ERBB4: variants seen among roughly 807,000 people sequenced by gnomAD.
The protein encoded by ERBB4 is erb-b2 receptor tyrosine kinase 4.
In ERBB4, 42 loss-of-function variants were observed where a neutral mutation model predicts 158.0. That is an observed-to-expected ratio of 0.27 (90% CI 0.21 to 0.34). The LOEUF (loss-of-function observed/expected upper bound fraction) is 0.34, where lower values mean the gene tolerates loss of function less well. Among genes scored for constraint, ERBB4 ranks in the 10% least tolerant of loss-of-function variants. ERBB4 has a pLI of 1.00. For missense variants in ERBB4, 1,333 were observed against 1,624.1 expected (o/e 0.82, Z 3.08); for synonymous variants, 583 against 558.7 (o/e 1.04, Z -0.61).
chr2:211,516,163 G>T (rs534801750), intron 20 of ERBB4, among the ~76,000 whole-genome samples: 1 of 150,986 alleles, frequency 6.6e-6, no homozygotes, highest in East Asian at 2.0e-4. Flanking sequence ...TGATCCGCCC[G>T]CCTCGGCCTC....
chr2:211,482,149 A>G (rs539820376), intron 20 of ERBB4, among the ~76,000 whole-genome samples: 43 of 152,340 alleles, frequency 2.8e-4, no homozygotes, highest in African/African-American at 1.0e-3. Flanking sequence ...GATAATCCAG[A>G]GAACTGCAGA....
rs532803812 is a variant in ERBB4, at chr2:211,434,717, T to A, written c.2488-3617A>T. 1.1e-4 allele frequency among the ~76,000 whole-genome samples: 16 copies of A among 152,304 alleles called. No homozygotes were observed. The South Asian group carries it at 2.7e-3, about 26-fold the overall frequency. On this transcript the variant is annotated intron_variant, in intron 20 of 27. Transcript: ENST00000342788. The stretch of plus-strand genomic sequence containing the variant: ...TACTATTTTTCCAGAAAAGGTACTT[T>A]CTTCAAAATAATGAGAAATCAATTT...
At chr2:212,483,763 G>A (rs553523787) in intron 1 of ERBB4, among the ~76,000 whole-genome samples, 3 of 152,090 alleles carry the variant, frequency 2.0e-5, no homozygotes, top group African/African-American at 7.2e-5. Context: ...TTGAGACTGA[G>A]TCTTGCTCTA....
chr2:211,748,542 A>G (rs1289383543), intron 5 of ERBB4, among the ~76,000 whole-genome samples: 1 of 152,162 alleles, frequency 6.6e-6, no homozygotes, highest in African/African-American at 2.4e-5. Context: ...GTGTTTCCCA[A>G]ATCTAAGCTC....
At chr2:212,438,804 C>T (rs2092191414) in intron 1 of ERBB4, among the ~76,000 whole-genome samples, 1 of 151,704 alleles carries the variant, frequency 6.6e-6, no homozygotes, top group African/African-American at 2.4e-5. Context: ...TGTCATTAAA[C>T]CAGAAGAATG....
At chr2:212,473,268 T>C (rs111580022) in intron 1 of ERBB4, among the ~76,000 whole-genome samples, 2,318 of 152,142 alleles carry the variant, frequency 0.015, 19 homozygotes, top group Middle Eastern at 0.037. Context: ...ACTGAATATA[T>C]TGATAATCAC....
intron 1 of ERBB4, among the ~76,000 whole-genome samples, chr2:212,378,221 C>A (rs1377641616): frequency 2.6e-5 from 4 of 151,826 alleles, no homozygotes; most frequent in African/African-American, 7.3e-5. Flanking sequence ...TGTCATTATG[C>A]ACCTCTCTCT....
intron 1 of ERBB4, among the ~76,000 whole-genome samples, chr2:212,490,235 A>G (rs988232832): frequency 4.0e-5 from 6 of 151,862 alleles, no homozygotes; most frequent in African/African-American, 1.2e-4. Context: ...AGTTTGTCAT[A>G]ACTGAAGTCT....
intron 1 of ERBB4, among the ~76,000 whole-genome samples, chr2:212,457,939 T>A (rs1454920352): frequency 6.6e-6 from 1 of 151,974 alleles, no homozygotes; most frequent in African/African-American, 2.4e-5. Context: ...AAATATTTAT[T>A]ATTTATTATT....
chr2:212,290,087 C>T (rs775962552), intron 1 of ERBB4, among the ~76,000 whole-genome samples: 2 of 152,094 alleles, frequency 1.3e-5, no homozygotes, highest in Non-Finnish European at 2.9e-5. Context: ...ATATAACACA[C>T]ACTTATTTCC....
intron 9 of ERBB4, among the ~76,000 whole-genome samples, chr2:211,707,043 T>G (rs903665767): frequency 7.2e-5 from 11 of 152,178 alleles, no homozygotes; most frequent in Non-Finnish European, 1.6e-4. Context: ...TGTTCTTTGA[T>G]GAAAAGCAGA....
rs187930319 is a variant in ERBB4 at position 212,173,879 on chromosome 2, C to A, written c.83-48976G>T. Among the ~76,000 whole-genome samples the A allele has an allele frequency of 6.8e-4, 104 of 152,198 alleles. 1 individual carries two copies. The highest frequency in any genetic ancestry group is 2.0e-4 in the Admixed American group (3 of 15,258). ...AGGACTACAAAGTATTGAGCCAGTA[C>A]AGTGAAGGTTAAATATGAGCTCCTA... On this transcript the variant is annotated intron_variant, in intron 1 of 27. Transcript: ENST00000342788.
chr2:212,316,097 TA>T (rs1291568431), intron 1 of ERBB4, among the ~76,000 whole-genome samples: 1 of 151,506 alleles, frequency 6.6e-6, no homozygotes, highest in Non-Finnish European at 1.5e-5. Flanking sequence ...TGGCTTTAAA[TA>T]AAACAATTAT....
At chr2:211,831,674 G>A (rs1349850118) in intron 3 of ERBB4, among the ~76,000 whole-genome samples, 4 of 152,068 alleles carry the variant, frequency 2.6e-5, no homozygotes, top group Non-Finnish European at 2.9e-5. Flanking sequence ...GGCTGAGGTG[G>A]GTGGATCACC....
chr2:211,488,303 T>C (rs759464799), intron 20 of ERBB4, among the ~76,000 whole-genome samples: 1 of 152,100 alleles, frequency 6.6e-6, no homozygotes, highest in Non-Finnish European at 1.5e-5. Flanking sequence ...TTCTATGTGA[T>C]ATCACCCAAA....
chr2:212,354,064 A>G (rs1228786215), intron 1 of ERBB4, among the ~76,000 whole-genome samples: 1 of 152,140 alleles, frequency 6.6e-6, no homozygotes, highest in African/African-American at 2.4e-5. Context: ...GAATATTTCC[A>G]TCGCTACAGG....
chr2:211,861,327 GTT>G (rs1331572867), intron 3 of ERBB4, among the ~76,000 whole-genome samples: 1 of 102,150 alleles, frequency 9.8e-6, no homozygotes, highest in Non-Finnish European at 1.9e-5. Context: ...GTCCAGGCGT[GTT>G]TTTTTTTTTG....
At chr2:212,222,413 A>C (rs1479053326) in intron 1 of ERBB4, among the ~76,000 whole-genome samples, 2 of 151,584 alleles carry the variant, frequency 1.3e-5, no homozygotes, top group Admixed American at 6.6e-5. Flanking sequence ...AATTAGAAAA[A>C]ATTAAGAGAA....
chr2:211,881,773 C>T (rs940233416), intron 3 of ERBB4, among the ~76,000 whole-genome samples: 4 of 152,136 alleles, frequency 2.6e-5, no homozygotes, highest in African/African-American at 9.7e-5. Context: ...TAGCAGAGAG[C>T]TATTCTCCTT....
Sources: allele counts gnomAD v4.1 joint callset (sites outside exome capture counted in the v4.1 genomes callset), GRCh38; gene constraint gnomAD v4.1.1; transcripts MANE v1.5; gene names NCBI Gene and HGNC (gene_info 2026-07-23, HGNC 2026-07-21).